Variants in UMOD observed in about 807,000 individuals in gnomAD.
UMOD encodes the protein Tamm-Horsfall urinary glycoprotein.
In UMOD, 64 loss-of-function variants were observed where a neutral mutation model predicts 66.0. That is an observed-to-expected ratio of 0.97 (90% CI 0.79 to 1.19). The LOEUF (loss-of-function observed/expected upper bound fraction) is 1.19, where lower values mean the gene tolerates loss of function less well. UMOD is among the 50% of genes most tolerant of loss of function. The pLI, the probability that UMOD is intolerant of heterozygous loss-of-function variation, is 0.00. For missense variants in UMOD, 764 were observed against 850.9 expected (o/e 0.90, Z 1.27); for synonymous variants, 398 against 352.7 (o/e 1.13, Z -1.44).
chr16:20,337,259 A>G, intron 8 of UMOD, 32 bp downstream of exon 8: 1 of 1,613,652 alleles, frequency 6.2e-7, no homozygotes, highest in East Asian at 2.2e-5. Context: ...TTTGGTTACA[A>G]GAGATGGGCT....
chr16:20,345,412 C>CTTTCTTTCTTTA, intron 5 of UMOD, among the ~76,000 whole-genome samples: 1 of 102,120 alleles, frequency 9.8e-6, no homozygotes, highest in Middle Eastern at 5.0e-3. Flanking sequence ...TTCTTTCTTT[C>CTTTCTTTCTTTA]TTTCTTTCTT....
chr16:20,333,606 A>G (rs1182647742), intron 10 of UMOD, among the ~76,000 whole-genome samples: 1 of 152,214 alleles, frequency 6.6e-6, no homozygotes, highest in Non-Finnish European at 1.5e-5. Flanking sequence ...GGCAAAGGGC[A>G]TTCTTGTGAA....
intron 6 of UMOD, among the ~76,000 whole-genome samples, chr16:20,343,289 C>A (rs368728988): frequency 6.6e-6 from 1 of 152,238 alleles, no homozygotes; most frequent in African/African-American, 2.4e-5. Context: ...TACTACGTGG[C>A]ACCCAGTATG....
At chr16:20,340,239 G>A (rs973327464) in intron 7 of UMOD, among the ~76,000 whole-genome samples, 3 of 151,996 alleles carry the variant, frequency 2.0e-5, no homozygotes, top group African/African-American at 7.3e-5. Context: ...GTGTATGGTG[G>A]TGTGTGCCTG....
At chr16:20,350,117 C>T (rs1023792991) in intron 2 of UMOD, among the ~76,000 whole-genome samples, 2 of 152,128 alleles carry the variant, frequency 1.3e-5, no homozygotes, top group Non-Finnish European at 2.9e-5. Flanking sequence ...GGCAGGACCA[C>T]AAAATATGTG....
upstream of UMOD, among the ~76,000 whole-genome samples, chr16:20,355,272 T>A (rs1408167632): frequency 6.6e-6 from 1 of 152,184 alleles, no homozygotes. Flanking sequence ...ACATCCATGT[T>A]ACCAAATTCA....
Position 20,344,128 on chromosome 16 carries a change from T to C in UMOD, c.1227A>G (p.Ala409=). ...HATYSNTLYL[A]DEIIIRDLNI... is the part of the protein sequence containing the mutation. ...TGAGGTCACGGATGATGATCTCATC[T>C]GCCAGGTAGAGGGTGTTGCTGTAAG... The change falls in exon 6 of 11, where the codon GCA becomes GCG. Residue 409 remains alanine, a synonymous_variant. Transcript: ENST00000396138. 6.3e-7 allele frequency: 1 copy of C among 1,585,622 alleles called. No homozygotes were observed. Among genetic ancestry groups the C allele is most frequent in the Non-Finnish European group, 8.6e-7 (1 of 1,164,550 alleles).
chr16:20,355,052 C>T (rs1323476783), upstream of UMOD, among the ~76,000 whole-genome samples: 1 of 152,166 alleles, frequency 6.6e-6, no homozygotes, highest in African/African-American at 2.4e-5. Flanking sequence ...TCTCCCATTC[C>T]TTCCTGCAGA....
chr16:20,333,699 A>G (rs776321592), intron 10 of UMOD, among the ~76,000 whole-genome samples: 2 of 152,164 alleles, frequency 1.3e-5, no homozygotes, highest in Admixed American at 1.3e-4. Context: ...GTGACTCTCC[A>G]TCTCTGAGCT....
Position 20,345,399 on chromosome 16 carries a change from T to TC in UMOD, c.1182+726_1182+727insG, listed in dbSNP as rs1567306371. Among the ~76,000 whole-genome samples the TC allele has an allele frequency of 6.2e-3, 257 of 41,548 alleles. 2 individuals are homozygous for TC. The highest frequency in any genetic ancestry group is 0.011 in the African/African-American group (201 of 18,854). The allele number at this position is 41,548 out of a possible 152,430, so 27.3% of individuals were successfully genotyped here. A position where few individuals can be genotyped will look rare whatever the true frequency, so the allele number is the denominator to read the frequency against. On this transcript the variant is annotated intron_variant, in intron 5 of 10. Coordinates refer to ENST00000396138, the MANE Select transcript of UMOD (RefSeq NM_003361.4). The stretch of plus-strand genomic sequence containing the variant: ...TTCCTTCCTTCCTTTCTTTTCTTTT[T>TC]TTTTCTTTCTTTCTTTCTTTCTTTC...
intron 2 of UMOD, among the ~76,000 whole-genome samples, chr16:20,350,169 C>T (rs35650857): frequency 0.15 from 23,322 of 152,092 alleles, 1,998 homozygotes; most frequent in Middle Eastern, 0.19. Context: ...CGTGCCCCAA[C>T]GTACTCCAGG....
At chr16:20,345,613 C>T (rs1347364161) in intron 5 of UMOD, among the ~76,000 whole-genome samples, 1 of 149,244 alleles carries the variant, frequency 6.7e-6, no homozygotes. Flanking sequence ...TTCTTTCTTC[C>T]TCTGGTAATG....
At position 20,348,512 on chromosome 16, in the gene UMOD, C is replaced by G. The variant is rs1341192987; in HGVS notation, c.789G>C (p.Gln263His). 1 of 1,608,304 alleles carries G rather than the reference C, an allele frequency of 6.2e-7. No homozygotes were observed. Among genetic ancestry groups the G allele is most frequent in the Admixed American group, 1.7e-5 (1 of 59,810 alleles). Residue 263 changes from glutamine to histidine, a missense_variant, in exon 3 of 11, where the codon CAG becomes CAC. Gln to His is a conservative substitution (Grantham distance 24). Coordinates refer to ENST00000396138, the MANE Select transcript of UMOD (RefSeq NM_003361.4). ...GHCCLWDASV[Q>H]VKACAGGYYV... ...AGTAGCCGCCGGCACAGGCCTTCAC[C>G]TGGACGGACGCATCCCACAGGCAGC...
At chr16:20,348,045 C>G (rs914278474) in intron 4 of UMOD, among the ~76,000 whole-genome samples, 178 bp downstream of exon 4, 1 of 152,200 alleles carries the variant, frequency 6.6e-6, no homozygotes, top group Non-Finnish European at 1.5e-5. Context: ...CTCAGGGAGC[C>G]TCAGAGAGCC....
chr16:20,336,908 G>C (rs1964907081), intron 8 of UMOD, among the ~76,000 whole-genome samples, 181 bp from the exon 9 acceptor site: 1 of 152,206 alleles, frequency 6.6e-6, no homozygotes, highest in Non-Finnish European at 1.5e-5. Context: ...ATAGATGCAT[G>C]ATCTCAGGCA....
chr16:20,351,330 C>T (rs77981947), intron 1 of UMOD: 35 of 171,850 alleles, frequency 2.0e-4, no homozygotes, highest in Non-Finnish European at 3.1e-4. Context: ...TGGCTTGAGA[C>T]GAGCAACTTG....
chr16:20,342,428 G>A (rs996611947), intron 6 of UMOD: 9 of 152,350 alleles, frequency 5.9e-5, no homozygotes, highest in African/African-American at 2.2e-4. Context: ...CCGAGGACGG[G>A]GCCACATTGC....
At chr16:20,343,530 G>A (rs1429552354) in intron 6 of UMOD, among the ~76,000 whole-genome samples, 3 of 152,178 alleles carry the variant, frequency 2.0e-5, no homozygotes, top group African/African-American at 4.8e-5. Flanking sequence ...TTGAAAAGTA[G>A]AGACTTTAAT....
At chr16:20,344,267 T>G (rs1233701582) in intron 5 of UMOD, 95 bp from the exon 6 acceptor site, 4 of 1,293,220 alleles carry the variant, frequency 3.1e-6, no homozygotes, top group Non-Finnish European at 4.5e-6. Flanking sequence ...GCTGGTCTCA[T>G]GTCTGGCTAC....
Sources: gnomAD v4.1 joint callset for allele counts (sites outside exome capture counted in the v4.1 genomes callset) on GRCh38, gnomAD v4.1.1 for gene constraint, MANE v1.5 for transcripts, NCBI Gene and HGNC (gene_info 2026-07-23, HGNC 2026-07-21) for gene names.